Variants in EIF3H observed in about 807,000 individuals in gnomAD.
EIF3H encodes the protein eukaryotic translation initiation factor 3 subunit H.
Under a neutral mutation model 44.2 loss-of-function variants are expected in EIF3H, and 26 were observed. The ratio of observed to expected loss-of-function variants is 0.59; its 90% CI spans 0.43 to 0.82. EIF3H has a LOEUF of 0.82. Ranked by LOEUF, EIF3H falls within the 40% of genes least tolerant of loss-of-function variation. The pLI, the probability that EIF3H is intolerant of heterozygous loss-of-function variation, is 0.00. For synonymous variants in EIF3H, 166 were observed against 151.9 expected (o/e 1.09, Z -0.68); for missense variants, 359 against 432.8 (o/e 0.83, Z 1.51).
At position 116,646,650 on chromosome 8, in the gene EIF3H, G is replaced by A. The variant is rs116194413; in HGVS notation, c.829-47C>T. The stretch of plus-strand genomic sequence containing the variant: ...GTTTGGTTATTTTTCTCCATCTGAG[G>A]AGGAAAAAAAGATGTCCTTCCCCTA... On this transcript the variant is annotated intron_variant, in intron 6 of 7. Transcript: ENST00000521861. The A allele has an allele frequency of 3.0e-4, 487 of 1,600,602 alleles. 1 individual carries two copies. The African/African-American group carries it at 5.7e-3, about 19-fold the overall frequency.
chr8:116,659,705 AAGTAT>A (rs1813552556), intron 2 of EIF3H, among the ~76,000 whole-genome samples: 1 of 152,204 alleles, frequency 6.6e-6, no homozygotes, highest in East Asian at 1.9e-4. Context: ...AATGACTACA[AAGTAT>A]AGTAATGACT....
chr8:116,744,362 A>T (rs1386376362), intron 1 of EIF3H, among the ~76,000 whole-genome samples: 1 of 152,212 alleles, frequency 6.6e-6, no homozygotes, highest in Non-Finnish European at 1.5e-5. Context: ...AAAGACTCAA[A>T]GGATTAAAAA....
At chr8:116,703,596 A>G (rs1814416799) in intron 2 of EIF3H, among the ~76,000 whole-genome samples, 1 of 152,186 alleles carries the variant, frequency 6.6e-6, no homozygotes, top group African/African-American at 2.4e-5. Flanking sequence ...TAGAAGAAAT[A>G]ATGATGTAAG....
At chr8:116,694,685 A>C (rs1814237769) in intron 2 of EIF3H, among the ~76,000 whole-genome samples, 1 of 152,200 alleles carries the variant, frequency 6.6e-6, no homozygotes, top group Admixed American at 6.5e-5. Flanking sequence ...TTTTCCTTTA[A>C]CTGTTTCACA....
At chr8:116,685,031 A>G (rs1473152762) in intron 2 of EIF3H, among the ~76,000 whole-genome samples, 2 of 152,216 alleles carry the variant, frequency 1.3e-5, no homozygotes, top group Non-Finnish European at 2.9e-5. Context: ...TATAGATGCA[A>G]TATGAATCAG....
At chr8:116,748,534 T>C (rs949549186) in intron 1 of EIF3H, among the ~76,000 whole-genome samples, 7 of 152,244 alleles carry the variant, frequency 4.6e-5, no homozygotes, top group Admixed American at 1.3e-4. Context: ...TTCTTCATGA[T>C]TGATTTTCAA....
chr8:116,649,656 C>A (rs1209335694), intron 5 of EIF3H, among the ~76,000 whole-genome samples: 1 of 152,062 alleles, frequency 6.6e-6, no homozygotes, highest in Non-Finnish European at 1.5e-5. Context: ...AGAGTAGTAC[C>A]CATTCATTAA....
chr8:116,750,371 A>C (rs1256209531), intron 1 of EIF3H, among the ~76,000 whole-genome samples: 2 of 152,072 alleles, frequency 1.3e-5, no homozygotes, highest in Non-Finnish European at 2.9e-5. Context: ...GCTTTGAATA[A>C]GGATGTGACT....
rs750077223 is a variant in EIF3H at position 116,755,776 on chromosome 8, T to C, written c.22A>G (p.Thr8Ala). Residue 8 changes from threonine to alanine, a missense_variant, in exon 1 of 8, where the codon ACC becomes GCC. By Grantham distance (58) the Thr-to-Ala change is moderately conservative. This residue lies in a region of EIF3H where 59 missense variants were observed against 33.5 expected (regional missense o/e 1.76). Coordinates refer to ENST00000521861, the MANE Select transcript of EIF3H (RefSeq NM_003756.3). MASRKEG[T>A]GSTATSSSST... ...CTGGAAGAGGTGGCAGTAGAGCCGG[T>C]ACCTTCCTTGCGGGACGCCATCTTT... 12 of 1,614,006 alleles carry C rather than the reference T, an allele frequency of 7.4e-6. No homozygotes were observed. The highest frequency in any genetic ancestry group is 1.0e-5 in the Non-Finnish European group (12 of 1,180,036).
intron 2 of EIF3H, among the ~76,000 whole-genome samples, chr8:116,672,750 A>G (rs1233211434): frequency 1.3e-5 from 2 of 152,166 alleles, no homozygotes; most frequent in Non-Finnish European, 2.9e-5. Flanking sequence ...GATGACACCA[A>G]AGAGCTTATG....
At chr8:116,755,904 G>A (rs867723526), upstream of EIF3H, 11 of 1,554,268 alleles carry the variant, frequency 7.1e-6, no homozygotes, top group Non-Finnish European at 9.5e-6. Context: ...GGAGACGGAA[G>A]GAGAAGCCAA....
chr8:116,650,924 C>T (rs1230563588), intron 5 of EIF3H, among the ~76,000 whole-genome samples: 1 of 152,180 alleles, frequency 6.6e-6, no homozygotes, highest in Non-Finnish European at 1.5e-5. Context: ...GCCACTGTTC[C>T]TGGCCAGGAC....
In EIF3H at chr8:116,726,160, T is replaced by C; in HGVS notation, c.145A>G (p.Ile49Val). The C allele has an allele frequency of 6.2e-7, 1 of 1,613,682 alleles. No individual in the cohort carries two copies. The highest frequency in any genetic ancestry group is 1.3e-5 in the African/African-American group (1 of 75,040). Residue 49 changes from isoleucine (I) to valine (V), a missense_variant, in exon 2 of 8, where the codon ATA becomes GTA. Ile to Val is a conservative substitution (Grantham distance 29). Transcript: ENST00000521861. ...CCTTCTTCTTGATAATGTTTGATTA[T>C]CTTTAATACCACCTAAAACATACAC... ...VQIDGLVVLKIIKHYQEEGQG... is the reference protein window; with the variant it reads ...VQIDGLVVLKVIKHYQEEGQG...
At chr8:116,657,869 G>A (rs1813517743) in intron 3 of EIF3H, 1 of 153,836 alleles carries the variant, frequency 6.5e-6, no homozygotes, top group Non-Finnish European at 1.4e-5. Flanking sequence ...TTTTGTCAAA[G>A]CTAACCGCTG....
rs533756439 is a variant in EIF3H at position 116,729,824 on chromosome 8, G to A, written c.133-3652C>T. 2.0e-5 allele frequency among the ~76,000 whole-genome samples: 3 copies of A among 152,294 alleles called. No homozygotes were observed. The South Asian group carries it at 6.2e-4, about 32-fold the overall frequency. ...TACTGAAGAGTTCTTTGGCTGCTTA[G>A]AGGATTAGTCTTACTTTGAAGGCAA... On this transcript the variant is annotated intron_variant, in intron 1 of 7. Transcript: ENST00000521861.
intron 5 of EIF3H, among the ~76,000 whole-genome samples, chr8:116,653,348 A>AACACACACACACAC (rs771922316): frequency 0.097 from 14,075 of 144,564 alleles, 789 homozygotes; most frequent in Middle Eastern, 0.16. Context: ...AACAATCAGA[A>AACACACACACACAC]ACACACACAC....
At chr8:116,651,863 G>A (rs2130781336) in intron 5 of EIF3H, among the ~76,000 whole-genome samples, 1 of 152,310 alleles carries the variant, frequency 6.6e-6, no homozygotes, top group East Asian at 1.9e-4. Flanking sequence ...CTGTCCTAAG[G>A]ACAGTGGGAA....
intron 5 of EIF3H, among the ~76,000 whole-genome samples, chr8:116,650,792 A>G (rs1157180029): frequency 1.3e-5 from 2 of 152,296 alleles, no homozygotes; most frequent in South Asian, 4.1e-4. Context: ...GACTACAGGC[A>G]TGCGCCACCA....
chr8:116,762,556 G>A (rs569264298), intron 1 of EIF3H, among the ~76,000 whole-genome samples: 5 of 152,282 alleles, frequency 3.3e-5, no homozygotes, highest in East Asian at 1.9e-4. Flanking sequence ...CCTTTAAGCC[G>A]GCTTCCCAGA....
Sources: gnomAD v4.1 joint callset for allele counts (sites outside exome capture counted in the v4.1 genomes callset) on GRCh38, gnomAD v4.1.1 for gene constraint, gnomAD v4.1.1 regional missense constraint, MANE v1.5 for transcripts, NCBI Gene and HGNC (gene_info 2026-07-23, HGNC 2026-07-21) for gene names.